The following COL25A1 variants were observed in gnomAD, a reference collection of about 807,000 sequenced individuals.
COL25A1 encodes the protein collagen type XXV alpha 1 chain.
In COL25A1, 103 loss-of-function variants were observed where a neutral mutation model predicts 128.4. That is an observed-to-expected ratio of 0.80 (90% CI 0.68 to 0.94). The LOEUF (loss-of-function observed/expected upper bound fraction) is 0.94, where lower values mean the gene tolerates loss of function less well. Ranked by LOEUF, COL25A1 falls within the 40% of genes least tolerant of loss-of-function variation. The pLI is 0.00. For missense variants in COL25A1, 745 were observed against 840.0 expected, an observed-to-expected ratio of 0.89 and a Z score of 1.40; for synonymous variants, 279 against 277.2, an observed-to-expected ratio of 1.01 and a Z score of -0.06.
chr4:108,847,983 C>A (rs1735311258), intron 27 of COL25A1, among the ~76,000 whole-genome samples: 3 of 152,090 alleles, frequency 2.0e-5, no homozygotes, highest in Non-Finnish European at 4.4e-5. Flanking sequence ...TTGAAATTAA[C>A]CCTTTTGATT....
intron 3 of COL25A1, among the ~76,000 whole-genome samples, chr4:109,174,661 G>A (rs908404635): frequency 4.6e-5 from 7 of 152,170 alleles, no homozygotes; most frequent in African/African-American, 1.2e-4. Flanking sequence ...CCCATGTTGC[G>A]TTATTGTGTG....
chr4:109,162,450 A>G (rs1227548716), intron 3 of COL25A1, among the ~76,000 whole-genome samples: 1 of 152,214 alleles, frequency 6.6e-6, no homozygotes, highest in Non-Finnish European at 1.5e-5. Flanking sequence ...TAGATTCTCA[A>G]GACACCTGCA....
chr4:109,005,412 T>A (rs1428956092), intron 6 of COL25A1, among the ~76,000 whole-genome samples: 2 of 152,188 alleles, frequency 1.3e-5, no homozygotes, highest in African/African-American at 2.4e-5. Flanking sequence ...GGAACACAGA[T>A]CTAAACCATA....
At chr4:109,149,346 T>C (rs1401232315) in intron 3 of COL25A1, among the ~76,000 whole-genome samples, 2 of 152,190 alleles carry the variant, frequency 1.3e-5, no homozygotes, top group Admixed American at 1.3e-4. Flanking sequence ...CAATTAAATA[T>C]TGAAATATAT....
At chr4:108,861,213 T>C (rs1411494148) in intron 22 of COL25A1, among the ~76,000 whole-genome samples, 8 of 152,162 alleles carry the variant, frequency 5.3e-5, no homozygotes, top group Non-Finnish European at 1.0e-4. Context: ...ACAATATATA[T>C]GGTAACTGTC....
rs1578584516 is a variant in COL25A1 at position 108,864,359 on chromosome 4, T to C, written c.1084-972A>G. Among the ~76,000 whole-genome samples the C allele has an allele frequency of 3.3e-5, 5 of 152,294 alleles. No homozygotes were observed. In the South Asian group the frequency reaches 1.0e-3, roughly 32 times the overall value. ...TTCCTGGCTCTGTAATCTAGCATCT[T>C]AGGTTTTACTCCTGGCTCTGCTATT... On this transcript the variant is annotated intron_variant, in intron 20 of 37. Coordinates refer to ENST00000399132, the MANE Select transcript of COL25A1 (RefSeq NM_198721.4).
chr4:108,870,121 T>C (rs1051775734), intron 19 of COL25A1, among the ~76,000 whole-genome samples: 2 of 151,982 alleles, frequency 1.3e-5, no homozygotes, highest in Admixed American at 1.3e-4. Context: ...CCGGGTGTGA[T>C]GGTGCGAGCC....
chr4:108,920,470 C>A, intron 12 of COL25A1, 108 bp downstream of exon 12: 2 of 706,164 alleles, frequency 2.8e-6, no homozygotes, highest in Middle Eastern at 2.6e-4. Context: ...ACAAACCAGA[C>A]TAACTGCTTC....
chr4:108,819,199 T>C (rs370156547), intron 36 of COL25A1, 53 bp downstream of exon 36: 7 of 1,343,218 alleles, frequency 5.2e-6, no homozygotes, highest in Non-Finnish European at 7.3e-6. Context: ...GAGATGAACA[T>C]GTGATAAACA....
chr4:109,019,369 C>CATATATATAT (rs1320479600), intron 5 of COL25A1, among the ~76,000 whole-genome samples: 2 of 9,236 alleles, frequency 2.2e-4, no homozygotes, highest in Non-Finnish European at 3.7e-4. Flanking sequence ...CACACACACA[C>CATATATATAT]ACACACATAT....
At chr4:108,953,017 C>A (rs1245516765) in intron 8 of COL25A1, among the ~76,000 whole-genome samples, 1 of 151,980 alleles carries the variant, frequency 6.6e-6, no homozygotes, top group Non-Finnish European at 1.5e-5. Flanking sequence ...ATGGTAGCCT[C>A]TTTCCTATTC....
rs141957331 is a variant in COL25A1 at position 108,932,229 on chromosome 4, T to TA, written c.708+5578dup. 4.8e-3 allele frequency among the ~76,000 whole-genome samples: 734 copies of TA among 152,316 alleles called. 4 individuals carry two copies. The highest frequency in any genetic ancestry group is 8.0e-3 in the Admixed American group (123 of 15,294). ...ATAGCAATGCATTATAAATTGAACA[T>TA]ATTTAAAGTAAACCTTCACATACTG... On this transcript the variant is annotated intron_variant, in intron 11 of 37. Coordinates refer to ENST00000399132, the MANE Select transcript of COL25A1 (RefSeq NM_198721.4).
rs149730096 is a variant in COL25A1, at chr4:109,294,370, G to C, written c.367+6213C>G. On this transcript the variant is annotated intron_variant, in intron 3 of 37. Transcript: ENST00000399132. ...TTGTAAGTGATTTCCACTTACTTCT[G>C]CTTCTCACTCTTCTATACTTAACTT... is the stretch of plus-strand genomic sequence containing the variant. 5.7e-4 allele frequency among the ~76,000 whole-genome samples: 86 copies of C among 152,152 alleles called. 1 individual carries two copies. Among genetic ancestry groups the C allele is most frequent in the African/African-American group, 2.0e-3 (84 of 41,514 alleles).
intron 3 of COL25A1, among the ~76,000 whole-genome samples, chr4:109,285,036 T>TC (rs1013635663): frequency 6.6e-5 from 10 of 152,116 alleles, no homozygotes; most frequent in Non-Finnish European, 1.2e-4. Context: ...AAGTTTTTTT[T>TC]CTCTCCCATT....
intron 3 of COL25A1, among the ~76,000 whole-genome samples, chr4:109,079,616 A>T (rs1393417766): frequency 6.6e-6 from 1 of 152,142 alleles, no homozygotes; most frequent in Non-Finnish European, 1.5e-5. Flanking sequence ...ACACAATAAA[A>T]GGAGCTAATT....
At chr4:108,860,294 G>A (rs1187871918) in intron 23 of COL25A1, among the ~76,000 whole-genome samples, 1 of 152,196 alleles carries the variant, frequency 6.6e-6, no homozygotes. Flanking sequence ...GTTTCACCAT[G>A]TTGGGCAGGC....
intron 8 of COL25A1, among the ~76,000 whole-genome samples, chr4:108,951,018 G>A (rs1330816892): frequency 1.3e-5 from 2 of 152,140 alleles, no homozygotes; most frequent in Non-Finnish European, 2.9e-5. Context: ...AGTGAAGTGT[G>A]GACTGGAGGT....
chr4:108,918,100 T>A, intron 13 of COL25A1, 72 bp downstream of exon 13: 1 of 891,514 alleles, frequency 1.1e-6, no homozygotes, highest in Admixed American at 2.3e-5. Flanking sequence ...ACTAACATTA[T>A]GGACTAGAAT....
intron 5 of COL25A1, among the ~76,000 whole-genome samples, chr4:109,034,469 T>G (rs984689618): frequency 5.3e-5 from 8 of 152,210 alleles, no homozygotes; most frequent in African/African-American, 1.4e-4. Context: ...ATACCATAAT[T>G]CATTGTCTCC....
Sources: allele counts gnomAD v4.1 joint callset (sites outside exome capture counted in the v4.1 genomes callset), GRCh38; gene constraint gnomAD v4.1.1; transcripts MANE v1.5; gene names NCBI Gene and HGNC (gene_info 2026-07-23, HGNC 2026-07-21).